Variants in ARHGEF28 observed in about 807,000 individuals in gnomAD.
The protein encoded by ARHGEF28 is Rho guanine nucleotide exchange factor 28.
A neutral mutation model predicts 206.6 loss-of-function variants in ARHGEF28; 152 were observed. That is an observed-to-expected ratio of 0.74 (90% confidence interval 0.64 to 0.84). The LOEUF (loss-of-function observed/expected upper bound fraction) is 0.84, where lower values mean the gene tolerates loss of function less well. ARHGEF28 is among the 40% of genes least tolerant of loss of function. The probability of loss-of-function intolerance (pLI) is 0.00; values close to 1 mark genes in which losing one functional copy is unlikely to be tolerated. For synonymous variants in ARHGEF28, 763 were observed against 776.4 expected, an observed-to-expected ratio of 0.98 and a Z score of 0.29; for missense variants, 2,028 against 2,073.2, an observed-to-expected ratio of 0.98 and a Z score of 0.42.
chr5:73,738,029 A>T (rs1194798979), intron 2 of ARHGEF28, among the ~76,000 whole-genome samples: 4 of 152,200 alleles, frequency 2.6e-5, no homozygotes, highest in Non-Finnish European at 5.9e-5. Context: ...AACAAAGGTG[A>T]CGGGAGCCCA....
intron 2 of ARHGEF28, among the ~76,000 whole-genome samples, chr5:73,737,526 T>TC (rs60123181): frequency 1.4e-4 from 20 of 145,396 alleles, no homozygotes; most frequent in South Asian, 2.2e-4. Context: ...TCTTTTCTTT[T>TC]TTGTGATGGA....
At chr5:73,768,276 C>G (rs1753020670) in intron 4 of ARHGEF28, among the ~76,000 whole-genome samples, 1 of 152,182 alleles carries the variant, frequency 6.6e-6, no homozygotes, top group African/African-American at 2.4e-5. Context: ...CCACAATCTT[C>G]CAGACCCCAG....
intron 10 of ARHGEF28, among the ~76,000 whole-genome samples, chr5:73,836,915 C>A (rs1172277313): frequency 6.6e-6 from 1 of 151,902 alleles, no homozygotes; most frequent in Non-Finnish European, 1.5e-5. Context: ...ATTGAAGGAT[C>A]TGTCTTTTCT....
At chr5:73,780,443 T>A in intron 6 of ARHGEF28, 2 of 515,764 alleles carry the variant, frequency 3.9e-6, no homozygotes, top group Non-Finnish European at 7.0e-6. Flanking sequence ...GCAGAAGCAA[T>A]AAAAGATTAG....
At chr5:73,650,108 C>T (rs1367359460) in intron 1 of ARHGEF28, among the ~76,000 whole-genome samples, 5 of 152,170 alleles carry the variant, frequency 3.3e-5, no homozygotes, top group African/African-American at 7.2e-5. Context: ...CTGGGAAACA[C>T]GGCTAAACAT....
intron 2 of ARHGEF28, among the ~76,000 whole-genome samples, chr5:73,714,964 GA>G (rs976295826): frequency 1.8e-4 from 27 of 151,176 alleles, no homozygotes; most frequent in Admixed American, 1.2e-3. Flanking sequence ...TTTAACTTAG[GA>G]AAAAAAAGGT....
In ARHGEF28 at chr5:73,848,016, CAA is replaced by C. The variant is rs1234812500; in HGVS notation, c.1636-957_1636-956del. ...ACCATGTGTTTTTCCTTAGAGGAAACAAAAGAGACCAGTGCTCCTGAAGGTCA... is the reference window on the plus strand; with the variant it reads ...ACCATGTGTTTTTCCTTAGAGGAAACAAGAGACCAGTGCTCCTGAAGGTCA... On this transcript the variant is annotated intron_variant, in intron 12 of 35. Transcript: ENST00000513042. 4.6e-5 allele frequency among the ~76,000 whole-genome samples: 7 copies of C among 152,282 alleles called. No homozygotes were observed. In the East Asian group the frequency reaches 1.2e-3, roughly 25 times the overall value.
chr5:73,852,351 G>A (rs551772557), intron 13 of ARHGEF28, among the ~76,000 whole-genome samples: 65 of 152,264 alleles, frequency 4.3e-4, no homozygotes, highest in Non-Finnish European at 8.1e-4. Context: ...AAAAGATAGA[G>A]CTAATTTTCT....
At chr5:73,862,736 A>G (rs1341132841) in intron 16 of ARHGEF28, among the ~76,000 whole-genome samples, 1 of 152,062 alleles carries the variant, frequency 6.6e-6, no homozygotes, top group East Asian at 1.9e-4. Context: ...ATTATGTTTA[A>G]TCTTTCAAGT....
At chr5:73,830,099 C>T in intron 9 of ARHGEF28, among the ~76,000 whole-genome samples, 1 of 152,084 alleles carries the variant, frequency 6.6e-6, no homozygotes, top group East Asian at 1.9e-4. Flanking sequence ...AATATTTCTG[C>T]AGCAAAATGT....
intron 35 of ARHGEF28, among the ~76,000 whole-genome samples, chr5:73,933,200 G>C (rs960723561): frequency 2.6e-5 from 4 of 152,086 alleles, no homozygotes; most frequent in African/African-American, 9.7e-5. Flanking sequence ...CCAAGAAAAC[G>C]TTAACTCATT....
rs756503012 is a variant in ARHGEF28 at position 73,901,234 on chromosome 5, G to A, written c.4024G>A (p.Gly1342Arg). The change falls in exon 31 of 36, where the codon GGG becomes AGG. Residue 1342 changes from glycine to arginine, a missense_variant. Gly to Arg is a moderately radical substitution (Grantham distance 125). Coordinates refer to ENST00000513042, the MANE Select transcript of ARHGEF28 (RefSeq NM_001177693.2). ...AAGAGGCTGTTCGGATGTGGATCCC[G>A]GGATCCAGGGTGTGGTAACCGACTT... ...EGRGCSDVDP[G>R]IQGVVTDLAV... 4.6e-5 allele frequency: 75 copies of A among 1,613,256 alleles called. No homozygotes were observed. The highest frequency in any genetic ancestry group is 1.5e-4 in the South Asian group (14 of 90,952).
At chr5:73,745,444 G>C (rs1195029424) in intron 2 of ARHGEF28, among the ~76,000 whole-genome samples, 1 of 151,998 alleles carries the variant, frequency 6.6e-6, no homozygotes, top group Non-Finnish European at 1.5e-5. Flanking sequence ...TTACCTTTTT[G>C]GTTCTCTGGG....
intron 1 of ARHGEF28, among the ~76,000 whole-genome samples, chr5:73,648,148 C>T (rs749412086): frequency 4.1e-4 from 62 of 152,192 alleles, no homozygotes; most frequent in Non-Finnish European, 5.3e-4. Context: ...TACTTTGATT[C>T]TATTTAGTAT....
chr5:73,691,337 G>A (rs1747817289), intron 2 of ARHGEF28, among the ~76,000 whole-genome samples: 1 of 151,776 alleles, frequency 6.6e-6, no homozygotes, highest in Non-Finnish European at 1.5e-5. Flanking sequence ...TATTTCATAA[G>A]GAATTATACG....
rs77763275 is a variant in ARHGEF28, at chr5:73,748,547, G to C, written c.34-1290G>C. On this transcript the variant is annotated intron_variant, in intron 2 of 35. Coordinates refer to ENST00000513042, the MANE Select transcript of ARHGEF28 (RefSeq NM_001177693.2). ...ATTGGCTTAACTCTTAGTGTCCTGT[G>C]AAATATCTTGCTAATATTTGTCAGA... Among the ~76,000 whole-genome samples the C allele has an allele frequency of 2.3e-4, 35 of 152,314 alleles. 1 individual carries two copies. The East Asian group carries it at 6.7e-3, about 29-fold the overall frequency.
chr5:73,788,984 G>A (rs1267093513), intron 7 of ARHGEF28, among the ~76,000 whole-genome samples: 5 of 152,054 alleles, frequency 3.3e-5, no homozygotes, highest in African/African-American at 1.2e-4. Flanking sequence ...CAAACATGGA[G>A]TTATATGATT....
At chr5:73,719,235 C>T (rs1749768698) in intron 2 of ARHGEF28, among the ~76,000 whole-genome samples, 1 of 152,122 alleles carries the variant, frequency 6.6e-6, no homozygotes, top group Non-Finnish European at 1.5e-5. Context: ...CCATGATCAA[C>T]CCCATCTCTG....
intron 7 of ARHGEF28, among the ~76,000 whole-genome samples, chr5:73,784,355 T>C (rs915492173): frequency 1.3e-5 from 2 of 152,202 alleles, no homozygotes; most frequent in Non-Finnish European, 2.9e-5. Flanking sequence ...TTGCCTACGA[T>C]CCAGTTATGT....
Sources: allele counts gnomAD v4.1 joint callset (sites outside exome capture counted in the v4.1 genomes callset), GRCh38; gene constraint gnomAD v4.1.1; transcripts MANE v1.5; gene names NCBI Gene and HGNC (gene_info 2026-07-23, HGNC 2026-07-21).